Variants in HMCN2 observed in about 807,000 individuals in gnomAD.
The protein encoded by HMCN2 is hemicentin 2, also known as hemicentin-2.
HMCN2 carries 325 observed loss-of-function variants against 377.5 expected under a neutral mutation model. That is an observed-to-expected ratio of 0.86 (90% CI 0.79 to 0.94). The LOEUF (loss-of-function observed/expected upper bound fraction) is 0.94. Among genes scored for constraint, HMCN2 ranks in the 40% least tolerant of loss-of-function variants. HMCN2 has a pLI of 0.00. For missense variants in HMCN2, 4,543 were observed against 4,725.3 expected (o/e 0.96, Z 1.13); for synonymous variants, 2,007 against 2,046.8 (o/e 0.98, Z 0.53).
Position 130,410,619 on chromosome 9 carries a change from G to A in HMCN2, c.12928G>A (p.Val4310Met), listed in dbSNP as rs777869087. ...GTGCCTGGCAGAGAATGAGATGGGC[G>A]TGGCGAAGAAAGTGGTGATCCTCGT... is the stretch of plus-strand genomic sequence containing the variant. ...YQCLAENEMG[V>M]AKKVVILVLQ... The change falls in exon 85 of 98, where the codon GTG becomes ATG. Residue 4310 changes from valine to methionine, a missense_variant. Val to Met is a conservative substitution (Grantham distance 21, BLOSUM62 1). This residue lies in a region of HMCN2 where 1,155 missense variants were observed against 1,157.7 expected (regional missense o/e 1.00). Transcript: ENST00000683500. 126 of 1,550,500 alleles carry A rather than the reference G, an allele frequency of 8.1e-5. No homozygotes were observed. Among genetic ancestry groups the A allele is most frequent in the East Asian group, 2.7e-4 (11 of 40,938 alleles).
intron 77 of HMCN2, among the ~76,000 whole-genome samples, chr9:130,401,490 A>G (rs1267164926): frequency 6.6e-6 from 1 of 151,978 alleles, no homozygotes; most frequent in Non-Finnish European, 1.5e-5. Flanking sequence ...TGTAGGCATG[A>G]TTTCTGTATT....
chr9:130,321,605 G>A (rs1837855371), intron 18 of HMCN2, among the ~76,000 whole-genome samples, 182 bp from the exon 19 acceptor site: 1 of 152,136 alleles, frequency 6.6e-6, no homozygotes, highest in Non-Finnish European at 1.5e-5. Flanking sequence ...AGGGTCTCTG[G>A]AGGGCTTGAC....
In HMCN2 at chr9:130,285,249, AT is replaced by A. The variant is rs1451518256; in HGVS notation, c.423del (p.Asp141GlufsTer28). 2.1e-6 allele frequency: 1 copy of A among 470,960 alleles called. No individual in the cohort carries two copies. Among genetic ancestry groups the A allele is most frequent in the Non-Finnish European group, 4.4e-6 (1 of 227,040 alleles). 29.2% of individuals were successfully genotyped at this position (470,960 alleles called of 1,614,324 possible). ...GGATCCTTCATCTACGTCTTTTCGG[AT>A]GCCCGCGCCAAAGACTATCACAAGA... ...NPGSFIYVFS[D>X]ARAKDYHKKE... is the part of the protein sequence containing the mutation. On this transcript the variant is annotated frameshift_variant, in exon 3 of 98. Coordinates refer to ENST00000683500, the MANE Select transcript of HMCN2 (RefSeq NM_001291815.2). LOFTEE classifies it high-confidence loss of function.
intron 84 of HMCN2, among the ~76,000 whole-genome samples, chr9:130,409,942 C>A (rs962790735): frequency 3.9e-5 from 6 of 152,160 alleles, no homozygotes; most frequent in African/African-American, 1.4e-4. Flanking sequence ...GGCGCTGCCA[C>A]TCAGAAGTGA....
chr9:130,268,164 G>C (rs191876842), intron 1 of HMCN2, among the ~76,000 whole-genome samples: 3 of 152,212 alleles, frequency 2.0e-5, no homozygotes, highest in African/African-American at 7.2e-5. Flanking sequence ...GCCCAGACCA[G>C]GGTTCCTGAG....
At chr9:130,320,741 C>T (rs1837805345) in intron 17 of HMCN2, 35 bp from the exon 18 acceptor site, 1 of 152,224 alleles carries the variant, frequency 6.6e-6, no homozygotes, top group African/African-American at 2.4e-5. Context: ...ACCCAGGGCA[C>T]CTATTGTGGC....
Position 130,422,818 on chromosome 9 carries a change from G to T in HMCN2, c.13381+92G>T. The T allele has an allele frequency of 1.8e-6, 2 of 1,082,990 alleles. No homozygotes were observed. The highest frequency in any genetic ancestry group is 2.4e-6 in the Non-Finnish European group (2 of 847,630). 67.1% of individuals were successfully genotyped at this position (1,082,990 alleles called of 1,614,324 possible). The stretch of plus-strand genomic sequence containing the variant: ...ACATGCTGGACCTAGGAGGCGCAGA[G>T]CCTGTGCCCCGAGACTTGCTCAAGG... On this transcript the variant is annotated intron_variant, in intron 87 of 97. Transcript: ENST00000683500. The surrounding 1 kb of genome is among the most constrained non-coding windows in gnomAD (Gnocchi z 4.2).
chr9:130,374,834 A>C, intron 49 of HMCN2, 141 bp downstream of exon 49: 1 of 230,418 alleles, frequency 4.3e-6, no homozygotes, highest in Non-Finnish European at 7.2e-6. Context: ...AAAATCATAT[A>C]GCGACTCTAT....
chr9:130,355,535 AAAT>A (rs1023950421), intron 32 of HMCN2, among the ~76,000 whole-genome samples: 1 of 152,136 alleles, frequency 6.6e-6, no homozygotes, highest in African/African-American at 2.4e-5. Context: ...GGCAGATGTT[AAAT>A]AATTAGGCCC....
chr9:130,310,822 C>T (rs1009998676), intron 15 of HMCN2, among the ~76,000 whole-genome samples: 9 of 152,150 alleles, frequency 5.9e-5, no homozygotes, highest in Admixed American at 3.9e-4. Context: ...TTGGTCATGC[C>T]ATGGAGCCTC....
chr9:130,320,134 T>G (rs1785227406), intron 16 of HMCN2, among the ~76,000 whole-genome samples: 1 of 152,180 alleles, frequency 6.6e-6, no homozygotes, highest in African/African-American at 2.4e-5. Flanking sequence ...ACAGGCCAAT[T>G]ACCCCCATTC....
At chr9:130,294,437 G>C (rs1248577624) in intron 4 of HMCN2, among the ~76,000 whole-genome samples, 6 of 152,224 alleles carry the variant, frequency 3.9e-5, no homozygotes, top group Non-Finnish European at 7.3e-5. Context: ...TGGCGCCCTG[G>C]TGGGAGCACA....
intron 61 of HMCN2, 150 bp downstream of exon 61, chr9:130,386,674 T>A: frequency 5.5e-6 from 2 of 365,264 alleles, no homozygotes; most frequent in Non-Finnish European, 1.0e-5. Context: ...TATCTATATC[T>A]ACATCTCTTT....
At chr9:130,266,260 G>A in intron 1 of HMCN2, 123 bp downstream of exon 1, 2 of 357,074 alleles carry the variant, frequency 5.6e-6, no homozygotes, top group South Asian at 4.2e-5. Flanking sequence ...TGGCGGGCGC[G>A]CCTTCTCGGC....
chr9:130,415,734 G>A (rs960058229), intron 85 of HMCN2, among the ~76,000 whole-genome samples: 20 of 152,260 alleles, frequency 1.3e-4, no homozygotes, highest in Non-Finnish European at 2.9e-5. Flanking sequence ...TATTTCCCAC[G>A]ATGGCCAGGG....
chr9:130,351,782 G>A lies in HMCN2; in HGVS notation c.4585+205G>A, dbSNP rs960213614. 7.2e-5 allele frequency among the ~76,000 whole-genome samples: 11 copies of A among 152,048 alleles called. No homozygotes were observed. The highest frequency in any genetic ancestry group is 4.1e-4 in the South Asian group (2 of 4,820). On this transcript the variant is annotated intron_variant, in intron 30 of 97. Transcript: ENST00000683500. The surrounding 1 kb of genome is among the most constrained non-coding windows in gnomAD (Gnocchi z 5.4). ...ATCTGGCCCAGCATTTTCCAAATCC[G>A]TGGTTTCCATCCCAGCTCTAAAAAT...
At chr9:130,406,301 C>T (rs1274680761) in intron 82 of HMCN2, 133 bp downstream of exon 82, 1 of 733,422 alleles carries the variant, frequency 1.4e-6, no homozygotes, top group Non-Finnish European at 2.0e-6. Context: ...CTGGGTCTTC[C>T]AACGTGGCCC....
Position 130,424,496 on chromosome 9 carries a change from ATT to A in HMCN2, c.13382-276_13382-275del, listed in dbSNP as rs1447415827. ...CCACCGCGCCCGGCCTGTCCTTAAT[ATT>A]TTTATTTTTTGTAGAGACAGAGTCT... On this transcript the variant is annotated intron_variant, in intron 87 of 97. Coordinates refer to ENST00000683500, the MANE Select transcript of HMCN2 (RefSeq NM_001291815.2). Among the ~76,000 whole-genome samples the A allele has an allele frequency of 5.3e-5, 8 of 151,898 alleles. No individual in the cohort carries two copies. The East Asian group carries it at 1.5e-3, about 29-fold the overall frequency.
intron 15 of HMCN2, among the ~76,000 whole-genome samples, chr9:130,318,770 G>C (rs1837696243): frequency 6.6e-6 from 1 of 152,166 alleles, no homozygotes; most frequent in East Asian, 1.9e-4. Context: ...GAGTGGCCCA[G>C]TTCAGACCCT....
Sources: gnomAD v4.1 joint callset for allele counts (sites outside exome capture counted in the v4.1 genomes callset) on GRCh38, gnomAD v4.1.1 for gene constraint, gnomAD v4.1.1 regional missense constraint, Gnocchi (gnomAD v3.1) non-coding constraint, MANE v1.5 for transcripts, NCBI Gene and HGNC (gene_info 2026-07-23, HGNC 2026-07-21) for gene names.